TYW1B: variants seen among roughly 807,000 people sequenced by gnomAD.
The protein encoded by TYW1B is tRNA-yW synthesizing protein 1 homolog B.
In TYW1B, 73 loss-of-function variants were observed where a neutral mutation model predicts 86.9. The observed-to-expected ratio is 0.84, with a 90% CI of 0.70 to 1.02. The LOEUF (loss-of-function observed/expected upper bound fraction) is 1.02, where lower values mean the gene tolerates loss of function less well. TYW1B is among the 50% of genes least tolerant of loss of function. The probability of loss-of-function intolerance (pLI) is 0.00; values close to 1 mark genes in which losing one functional copy is unlikely to be tolerated. For missense variants in TYW1B, 637 were observed against 827.4 expected (o/e 0.77, Z 2.82); for synonymous variants, 248 against 292.8 (o/e 0.85, Z 1.56).
chr7:72,713,570 G>T, intron 10 of TYW1B, 51 bp downstream of exon 10: 2 of 1,469,720 alleles, frequency 1.4e-6, no homozygotes, highest in Non-Finnish European at 1.8e-6. Context: ...GTTTTACTTT[G>T]CAGTGAAACA....
intron 3 of TYW1B, among the ~76,000 whole-genome samples, chr7:72,813,390 G>A (rs1788661249): frequency 1.3e-5 from 2 of 152,082 alleles, no homozygotes; most frequent in Admixed American, 6.6e-5. Flanking sequence ...TGGCCAGGCT[G>A]GTCTCGAACT....
chr7:72,634,871 A>G (rs1812629784), intron 11 of TYW1B, among the ~76,000 whole-genome samples: 1 of 152,134 alleles, frequency 6.6e-6, no homozygotes, highest in Non-Finnish European at 1.5e-5. Context: ...AATTATTTGC[A>G]TTTGCTGGAA....
In TYW1B at chr7:72,714,763, C is replaced by A. The variant is rs543697409; in HGVS notation, c.1193-965G>T. 6.6e-3 allele frequency among the ~76,000 whole-genome samples: 1,007 copies of A among 152,192 alleles called. 12 individuals are homozygous for A. Among genetic ancestry groups the A allele is most frequent in the African/African-American group, 0.021 (866 of 41,506 alleles). On this transcript the variant is annotated intron_variant, in intron 9 of 13. Transcript: ENST00000620995. ...GAAACCCTGTCTCTACTAAAAATGC[C>A]AAAATTAGCTGGGCGTAGTGGCGGA...
At chr7:72,810,405 C>A (rs1233274601) in intron 4 of TYW1B, 66 bp downstream of exon 4, 75 of 1,507,858 alleles carry the variant, frequency 5.0e-5, no homozygotes, top group Non-Finnish European at 6.3e-5. Context: ...TGTGTGTGTA[C>A]GTGTGTGTGC....
rs1812539456 is a variant in TYW1B, at chr7:72,632,390, A to ATATATATATAATATATATATACATG, written c.1507-3394_1507-3393insCATGTATATATATATTATATATATA. Among the ~76,000 whole-genome samples the ATATATATATAATATATATATACATG allele has an allele frequency of 3.1e-5, 3 of 96,456 alleles. No homozygotes were observed. The Admixed American group carries it at 4.1e-4, about 13-fold the overall frequency. 63.3% of individuals were successfully genotyped at this position (96,456 alleles called of 152,430 possible). On this transcript the variant is annotated intron_variant, in intron 11 of 13. Transcript: ENST00000620995. Reference sequence around the variant, plus strand: ...ACGCATATATATTATATATATACGTATATATATATAATATATATATACATA... The same window carrying ATATATATATAATATATATATACATG: ...ACGCATATATATTATATATATACGTATATATATATAATATATATATACATGTATATATATAATATATATATACATA...
In TYW1B at chr7:72,740,733, C is replaced by CTTT. The variant is rs71071910; in HGVS notation, c.1082+3748_1082+3750dup. On this transcript the variant is annotated intron_variant, in intron 8 of 13. Transcript: ENST00000620995. The stretch of plus-strand genomic sequence containing the variant: ...TCTAATAATCAAAATATGCAGTTTT[C>CTTT]TTTTTTTTTTTTTTTGAGACGGAGT... 2.1e-4 allele frequency among the ~76,000 whole-genome samples: 29 copies of CTTT among 137,390 alleles called. 1 individual carries two copies. Among genetic ancestry groups the CTTT allele is most frequent in the South Asian group, 7.0e-4 (3 of 4,304 alleles). 90.1% of individuals were successfully genotyped at this position (137,390 alleles called of 152,430 possible). A position where few individuals can be genotyped will look rare whatever the true frequency, so the allele number is the denominator to read the frequency against.
At chr7:72,701,146 G>A (rs1357399355) in intron 10 of TYW1B, among the ~76,000 whole-genome samples, 3 of 151,818 alleles carry the variant, frequency 2.0e-5, no homozygotes, top group Non-Finnish European at 4.4e-5. Flanking sequence ...TCTTTGTCTA[G>A]TAAGTCCAAC....
chr7:72,651,434 A>G (rs1554442768), intron 11 of TYW1B, among the ~76,000 whole-genome samples: 1 of 152,034 alleles, frequency 6.6e-6, no homozygotes, highest in East Asian at 1.9e-4. Flanking sequence ...CCTGGCCAAC[A>G]TGGTGAAACC....
Position 72,575,520 on chromosome 7 carries a change from G to C in TYW1B, c.1985C>G (p.Ser662Ter), listed in dbSNP as rs1554428288. Residue 662 changes from serine to a stop codon, truncating the protein, a stop_gained, in exon 14 of 14, where the codon TCA (serine) becomes TGA (stop). Transcript: ENST00000620995. LOFTEE classifies it high-confidence loss of function. ...KDTRHQRKNK[S>*]KAISGC Reference sequence around the variant, plus strand: ...ATCTCAACATCCAGAAATAGCCTTTGATTTGTTCTTTCTCTGATGTCTTGT... The same window carrying C: ...ATCTCAACATCCAGAAATAGCCTTTCATTTGTTCTTTCTCTGATGTCTTGT... The C allele has an allele frequency of 6.2e-7, 1 of 1,613,656 alleles. No homozygotes were observed. The highest frequency in any genetic ancestry group is 8.5e-7 in the Non-Finnish European group (1 of 1,179,790).
intron 9 of TYW1B, among the ~76,000 whole-genome samples, chr7:72,716,074 C>T (rs1390686426): frequency 3.9e-5 from 6 of 151,988 alleles, no homozygotes; most frequent in East Asian, 1.9e-4. Context: ...GGGACTACAC[C>T]GGGCTGGTGC....
intron 7 of TYW1B, among the ~76,000 whole-genome samples, chr7:72,763,267 T>TTTTTC (rs1407358160): frequency 2.2e-5 from 3 of 138,768 alleles, no homozygotes; most frequent in East Asian, 2.1e-4. Context: ...AAGGTTTTGT[T>TTTTTC]TTTTCTTTTC....
At chr7:72,776,797 A>G (rs1787963223) in intron 7 of TYW1B, among the ~76,000 whole-genome samples, 1 of 151,676 alleles carries the variant, frequency 6.6e-6, no homozygotes, top group African/African-American at 2.4e-5. Flanking sequence ...TAATTAAAAT[A>G]TAGACATAGA....
intron 6 of TYW1B, among the ~76,000 whole-genome samples, chr7:72,783,825 T>C (rs1788086797): frequency 6.6e-6 from 1 of 152,226 alleles, no homozygotes; most frequent in African/African-American, 2.4e-5. Flanking sequence ...TGAGTCAAGA[T>C]GGTTTAAGGG....
intron 9 of TYW1B, among the ~76,000 whole-genome samples, chr7:72,720,493 A>ATTGTT (rs1554457161): frequency 6.6e-5 from 10 of 152,178 alleles, no homozygotes; most frequent in Admixed American, 2.0e-4. Flanking sequence ...GACAAAAAAA[A>ATTGTT]TTCTTGATGA....
At chr7:72,814,677 A>G (rs1314782906) in intron 3 of TYW1B, among the ~76,000 whole-genome samples, 1 of 151,972 alleles carries the variant, frequency 6.6e-6, no homozygotes, top group Non-Finnish European at 1.5e-5. Flanking sequence ...AAAGAGGATC[A>G]CTTGAGCCCG....
chr7:72,752,172 G>A (rs1371366384), intron 7 of TYW1B, among the ~76,000 whole-genome samples: 1 of 152,174 alleles, frequency 6.6e-6, no homozygotes, highest in Non-Finnish European at 1.5e-5. Context: ...TCTTGGTGGG[G>A]AAGAGAGTCT....
intron 10 of TYW1B, among the ~76,000 whole-genome samples, chr7:72,711,728 C>T (rs1312931835): frequency 6.6e-6 from 1 of 151,804 alleles, no homozygotes; most frequent in Admixed American, 6.6e-5. Context: ...ACCTGGTGAT[C>T]CGCCCGTCTC....
At chr7:72,752,558 C>A (rs1554465284) in intron 7 of TYW1B, among the ~76,000 whole-genome samples, 1 of 151,978 alleles carries the variant, frequency 6.6e-6, no homozygotes, top group African/African-American at 2.4e-5. Flanking sequence ...TGGTGAAACC[C>A]TGTCTCTAAT....
At chr7:72,587,421 CA>C (rs1455050370) in intron 13 of TYW1B, among the ~76,000 whole-genome samples, 1 of 152,026 alleles carries the variant, frequency 6.6e-6, no homozygotes, top group Non-Finnish European at 1.5e-5. Flanking sequence ...ATTCAGGGAG[CA>C]GAGTTTTTAA....
Sources: gnomAD v4.1 joint callset for allele counts (sites outside exome capture counted in the v4.1 genomes callset) on GRCh38, gnomAD v4.1.1 for gene constraint, MANE v1.5 for transcripts, NCBI Gene and HGNC (gene_info 2026-07-23, HGNC 2026-07-21) for gene names.